PDE4D: variants seen among roughly 807,000 people sequenced by gnomAD.
PDE4D encodes the protein phosphodiesterase 4D.
Under a neutral mutation model 87.4 loss-of-function variants are expected in PDE4D, and 24 were observed. That is an observed-to-expected ratio of 0.27 (90% CI 0.20 to 0.39). The LOEUF (loss-of-function observed/expected upper bound fraction) is 0.39. PDE4D is among the 10% of genes least tolerant of loss of function. The probability of loss-of-function intolerance (pLI) is 1.00; values close to 1 mark genes in which losing one functional copy is unlikely to be tolerated. For missense variants in PDE4D, 714 were observed against 1,041.0 expected (o/e 0.69, Z 4.32); for synonymous variants, 384 against 383.2 (o/e 1.00, Z -0.02).
intron 1 of PDE4D, among the ~76,000 whole-genome samples, chr5:59,639,815 G>GTT (rs1741245836): frequency 1.3e-4 from 1 of 7,574 alleles, no homozygotes; most frequent in Non-Finnish European, 3.1e-4. Flanking sequence ...TGTCTATAGT[G>GTT]TGTGTGTGTG....
intron 2 of PDE4D, among the ~76,000 whole-genome samples, chr5:59,995,564 C>T (rs1041232109): frequency 1.3e-5 from 2 of 152,104 alleles, no homozygotes; most frequent in Admixed American, 6.6e-5. Flanking sequence ...AGGTGATCCA[C>T]CGCCTCGGCC....
intron 1 of PDE4D, chr5:60,460,723 T>C (rs1271247287): frequency 9.1e-6 from 7 of 772,924 alleles, no homozygotes; most frequent in African/African-American, 1.7e-5. Flanking sequence ...GAGTGGAGAC[T>C]GGCATTTGGG....
intron 1 of PDE4D, among the ~76,000 whole-genome samples, chr5:59,266,787 T>C (rs1462874481): frequency 6.6e-6 from 1 of 152,070 alleles, no homozygotes; most frequent in Non-Finnish European, 1.5e-5. Context: ...TGACTACTTT[T>C]CTAATACCAT....
At chr5:59,259,205 C>T (rs1195983984) in intron 1 of PDE4D, among the ~76,000 whole-genome samples, 1 of 151,752 alleles carries the variant, frequency 6.6e-6, no homozygotes, top group Non-Finnish European at 1.5e-5. Context: ...TGCTGTGTCC[C>T]TACCATTACT....
At chr5:59,985,919 C>A (rs755251231) in intron 3 of PDE4D, among the ~76,000 whole-genome samples, 47 of 152,192 alleles carry the variant, frequency 3.1e-4, no homozygotes, top group African/African-American at 1.2e-4. Flanking sequence ...TATAAAGGAA[C>A]CTGTGCAGTT....
rs1741556365 is a variant in PDE4D, at chr5:60,406,608, G to T, written c.-90+81334C>A. Among the ~76,000 whole-genome samples the T allele has an allele frequency of 2.6e-5, 4 of 152,232 alleles. No homozygotes were observed. The South Asian group carries it at 8.3e-4, about 32-fold the overall frequency. ...TTCCTAAATTCCAGCTAAAATTTAT[G>T]ATCACACTTCCACCTTTGATTATTG... On this transcript the variant is annotated intron_variant, in intron 1 of 16. Transcript: ENST00000502484.
At chr5:59,759,771 T>C (rs1761747150) in intron 1 of PDE4D, among the ~76,000 whole-genome samples, 1 of 152,182 alleles carries the variant, frequency 6.6e-6, no homozygotes, top group Admixed American at 6.5e-5. Context: ...GGTGTGCTTC[T>C]CAGATGATTT....
intron 1 of PDE4D, among the ~76,000 whole-genome samples, chr5:59,334,454 C>A (rs1159599860): frequency 6.6e-6 from 1 of 151,742 alleles, no homozygotes; most frequent in Non-Finnish European, 1.5e-5. Flanking sequence ...GATGGGGTTT[C>A]ACCACCTTGG....
At chr5:59,214,167 CCTTA>C (rs1750734785) in intron 2 of PDE4D, among the ~76,000 whole-genome samples, 1 of 151,826 alleles carries the variant, frequency 6.6e-6, no homozygotes, top group Admixed American at 6.6e-5. Context: ...ATTTAGCCTG[CCTTA>C]CTTCTGTGAA....
intron 1 of PDE4D, among the ~76,000 whole-genome samples, chr5:59,464,908 A>C (rs140444373): frequency 2.9e-4 from 44 of 152,338 alleles, no homozygotes; most frequent in African/African-American, 9.9e-4. Flanking sequence ...TCTTTTCAAA[A>C]TACAAATTTG....
At chr5:59,559,570 T>G (rs890514152) in intron 1 of PDE4D, among the ~76,000 whole-genome samples, 5 of 152,224 alleles carry the variant, frequency 3.3e-5, no homozygotes, top group African/African-American at 1.2e-4. Flanking sequence ...ATGACGCTGG[T>G]TGTTCTACAT....
At chr5:59,516,995 C>T (rs559154280) in intron 1 of PDE4D, among the ~76,000 whole-genome samples, 11 of 151,848 alleles carry the variant, frequency 7.2e-5, no homozygotes, top group South Asian at 2.1e-4. Flanking sequence ...GGTTAAAATA[C>T]GGTAAATATT....
At chr5:59,349,010 G>A (rs1186912315) in intron 1 of PDE4D, among the ~76,000 whole-genome samples, 1 of 152,104 alleles carries the variant, frequency 6.6e-6, no homozygotes, top group Non-Finnish European at 1.5e-5. Flanking sequence ...GAGCCTAGGA[G>A]TTTGAGGCTG....
chr5:60,156,453 T>C (rs1360240525), intron 2 of PDE4D, among the ~76,000 whole-genome samples: 1 of 152,196 alleles, frequency 6.6e-6, no homozygotes, highest in Non-Finnish European at 1.5e-5. Flanking sequence ...ACTTTACTCA[T>C]AAATTCTTCA....
chr5:59,347,976 C>A (rs1467043754), intron 1 of PDE4D, among the ~76,000 whole-genome samples: 1 of 151,944 alleles, frequency 6.6e-6, no homozygotes, highest in Non-Finnish European at 1.5e-5. Context: ...CCAAGCAGAA[C>A]CTCTCATCTC....
intron 2 of PDE4D, among the ~76,000 whole-genome samples, chr5:60,098,469 A>T (rs1205403208): frequency 2.0e-5 from 3 of 152,036 alleles, no homozygotes; most frequent in Non-Finnish European, 4.4e-5. Context: ...AATGCCTTAT[A>T]GTTTTCAGTG....
chr5:60,171,872 A>G (rs1459879978), intron 2 of PDE4D, among the ~76,000 whole-genome samples: 1 of 151,986 alleles, frequency 6.6e-6, no homozygotes, highest in East Asian at 1.9e-4. Context: ...TTAAGGTTTT[A>G]AAATGATTCG....
intron 1 of PDE4D, among the ~76,000 whole-genome samples, chr5:60,471,702 T>G (rs1484503245): frequency 2.0e-5 from 3 of 152,206 alleles, no homozygotes; most frequent in Admixed American, 6.5e-5. Context: ...TAGCATTTTT[T>G]AACAACCAGT....
At chr5:59,284,546 A>C (rs552750545) in intron 1 of PDE4D, among the ~76,000 whole-genome samples, 23 of 151,368 alleles carry the variant, frequency 1.5e-4, no homozygotes, top group Middle Eastern at 3.4e-3. Flanking sequence ...GGCAATCATT[A>C]AAAAGTCAGG....
Sources: allele counts gnomAD v4.1 joint callset (sites outside exome capture counted in the v4.1 genomes callset), GRCh38; gene constraint gnomAD v4.1.1; transcripts MANE v1.5; gene names NCBI Gene and HGNC (gene_info 2026-07-23, HGNC 2026-07-21).